Variants in RUBCNL observed in about 807,000 individuals in gnomAD.
RUBCNL encodes the protein protein associated with UVRAG as autophagy enhancer.
RUBCNL carries 62 observed loss-of-function variants against 69.5 expected under a neutral mutation model. The ratio of observed to expected loss-of-function variants is 0.89; its 90% CI spans 0.73 to 1.10. The LOEUF (loss-of-function observed/expected upper bound fraction) is 1.10. Ranked by LOEUF, RUBCNL falls within the 50% of genes least tolerant of loss-of-function variation. The probability of loss-of-function intolerance (pLI) is 0.00; values close to 1 mark genes in which losing one functional copy is unlikely to be tolerated. For synonymous variants in RUBCNL, 291 were observed against 303.6 expected, an observed-to-expected ratio of 0.96 and a Z score of 0.43; for missense variants, 768 against 798.1, an observed-to-expected ratio of 0.96 and a Z score of 0.45.
upstream of RUBCNL, among the ~76,000 whole-genome samples, chr13:46,389,198 G>A (rs548525845): frequency 8.5e-5 from 13 of 152,088 alleles, no homozygotes; most frequent in South Asian, 1.9e-3. This position sits in a 1 kb window ranked among gnomAD's most constrained non-coding sequence, Gnocchi z 4.2. Context: ...TTCCCATTTC[G>A]CAAGGGGGAA....
In RUBCNL at chr13:46,345,510, C is replaced by T. The variant is rs2048227246; in HGVS notation, c.1722G>A (p.Gly574=). ...SLEDLVRIKK[G]LLAPLLKDIL... is the part of the protein sequence containing the mutation. The stretch of plus-strand genomic sequence containing the variant: ...TGTCCTTGAGTAAGGGTGCCAGCAG[C>T]CCTTTCTTGATCCTGACCAGGTCCT... Residue 574 remains glycine, a synonymous_variant, in exon 13 of 15, where the codon GGG becomes GGA. Transcript: ENST00000429979. 1 of 1,608,614 alleles carries T rather than the reference C, an allele frequency of 6.2e-7. No individual in the cohort carries two copies. The highest frequency in any genetic ancestry group is 8.5e-7 in the Non-Finnish European group (1 of 1,177,516).
At chr13:46,345,730 T>A in intron 12 of RUBCNL, 130 bp from the exon 13 acceptor site, 1 of 902,278 alleles carries the variant, frequency 1.1e-6, no homozygotes, top group South Asian at 1.9e-5. Flanking sequence ...AATAAATAGC[T>A]CCAAGAACAA....
rs965224381 is a variant in RUBCNL at position 46,368,869 on chromosome 13, TAATAA to T, written c.536-59_536-55del. The T allele has an allele frequency of 1.4e-4, 176 of 1,282,700 alleles. 1 individual carries two copies. The highest frequency in any genetic ancestry group is 8.1e-5 in the Admixed American group (4 of 49,300). The allele number at this position is 1,282,700 out of a possible 1,614,324, so 79.5% of individuals were successfully genotyped here. On this transcript the variant is annotated intron_variant, in intron 3 of 14. Coordinates refer to ENST00000429979, the MANE Select transcript of RUBCNL (RefSeq NM_025113.5). ...GGGAAAAGGGAGTTTAAAGATTACC[TAATAA>T]AATAAAACAATTATAGGAAGTGGCT...
At chr13:46,376,279 A>G (rs981860060) in intron 2 of RUBCNL, among the ~76,000 whole-genome samples, 2 of 152,124 alleles carry the variant, frequency 1.3e-5, no homozygotes, top group Non-Finnish European at 2.9e-5. Context: ...GTGTATATAT[A>G]TATCTTTTGC....
chr13:46,362,392 T>C (rs571814845), intron 7 of RUBCNL, 146 bp downstream of exon 7: 2 of 480,334 alleles, frequency 4.2e-6, no homozygotes, highest in East Asian at 6.5e-5. Context: ...GATTGTTTCA[T>C]TTCTAGGTGA....
chr13:46,345,787 G>C (rs1204631451), intron 12 of RUBCNL, among the ~76,000 whole-genome samples, 187 bp from the exon 13 acceptor site: 1 of 152,130 alleles, frequency 6.6e-6, no homozygotes, highest in Admixed American at 6.5e-5. Flanking sequence ...AGTTTGCTTG[G>C]AAGCCAGGAA....
chr13:46,352,153 A>T (rs1419985226), intron 10 of RUBCNL, among the ~76,000 whole-genome samples: 1 of 152,172 alleles, frequency 6.6e-6, no homozygotes, highest in East Asian at 1.9e-4. Flanking sequence ...TAAAATAAAC[A>T]CTCATTGACC....
intron 7 of RUBCNL, among the ~76,000 whole-genome samples, chr13:46,362,159 C>G (rs11617556): frequency 6.6e-6 from 1 of 151,950 alleles, no homozygotes; most frequent in Non-Finnish European, 1.5e-5. Context: ...ATTGCTTGAA[C>G]CCAGGAGGCG....
At position 46,378,080 on chromosome 13, in the gene RUBCNL, T is replaced by C. The variant is rs548287998; in HGVS notation, c.-238-75A>G. 65 of 728,516 alleles carry C rather than the reference T, an allele frequency of 8.9e-5. No individual in the cohort carries two copies. In the South Asian group the frequency reaches 1.1e-3, roughly 13 times the overall value. 45.1% of individuals were successfully genotyped at this position (728,516 alleles called of 1,614,324 possible). ...ATGTTACTTGTTGCCATATTGTTTG[T>C]AGTGTGTTAGTTATTCAGTTAAGAA... is the stretch of plus-strand genomic sequence containing the variant. On this transcript the variant is annotated intron_variant, in intron 1 of 14. Transcript: ENST00000429979.
chr13:46,345,542 A>AGCTCATCAGGTCCT lies in RUBCNL; in HGVS notation c.1689_1690insAGGACCTGATGAGC (p.Ser564ArgfsTer3), dbSNP rs749196089. 8.1e-6 allele frequency: 13 copies of AGCTCATCAGGTCCT among 1,613,220 alleles called. No homozygotes were observed. The highest frequency in any genetic ancestry group is 1.1e-5 in the Non-Finnish European group (13 of 1,179,670). Reference sequence around the variant, plus strand: ...TTGATCCTGACCAGGTCCTCAAGGGAGAACAGGTGGAGCTCATCAGTCAAG... The same window carrying AGCTCATCAGGTCCT: ...TTGATCCTGACCAGGTCCTCAAGGGAGCTCATCAGGTCCTGAACAGGTGGAGCTCATCAGTCAAG... On this transcript the variant is annotated stop_gained and frameshift_variant, in exon 13 of 15. Coordinates refer to ENST00000429979, the MANE Select transcript of RUBCNL (RefSeq NM_025113.5). LOFTEE classifies it high-confidence loss of function.
intron 5 of RUBCNL, among the ~76,000 whole-genome samples, chr13:46,364,629 T>TAAAA (rs34783424): frequency 7.2e-6 from 1 of 139,592 alleles, no homozygotes. Flanking sequence ...GTTTAACTGA[T>TAAAA]AAAAAAAAAA....
chr13:46,359,670 A>G (rs755805285), intron 8 of RUBCNL, 39 bp from the exon 9 acceptor site: 6 of 1,479,432 alleles, frequency 4.1e-6, no homozygotes, highest in Non-Finnish European at 5.4e-6. Context: ...CAACTTAAGC[A>G]TATTTCAAAG....
chr13:46,354,444 A>T (rs1159202794), intron 10 of RUBCNL, among the ~76,000 whole-genome samples: 2 of 151,602 alleles, frequency 1.3e-5, no homozygotes, highest in Non-Finnish European at 2.9e-5. Flanking sequence ...GACAAAAGTT[A>T]AAAAAAATGT....
chr13:46,343,225 A>C lies in RUBCNL; in HGVS notation c.*160T>G, dbSNP rs1566059493. 1 of 1,150,012 alleles carries C rather than the reference A, an allele frequency of 8.7e-7. No homozygotes were observed. Among genetic ancestry groups the C allele is most frequent in the Non-Finnish European group, 1.2e-6 (1 of 826,604 alleles). 71.2% of individuals were successfully genotyped at this position (1,150,012 alleles called of 1,614,324 possible). A position where few individuals can be genotyped will look rare whatever the true frequency, so the allele number is the denominator to read the frequency against. On this transcript the variant is annotated 3_prime_UTR_variant, in exon 15 of 15. Coordinates refer to ENST00000429979, the MANE Select transcript of RUBCNL (RefSeq NM_025113.5). ...CCCTGTGCTTAAACACAGAATCTGC[A>C]TTCTTTTGAAACATTAAGTATATGC...
chr13:46,361,947 C>T (rs555358064), intron 7 of RUBCNL, among the ~76,000 whole-genome samples: 5 of 151,714 alleles, frequency 3.3e-5, no homozygotes, highest in South Asian at 2.1e-4. Flanking sequence ...AATATATGGT[C>T]GGGCATGGTG....
In RUBCNL at chr13:46,362,598, T is replaced by C; in HGVS notation, c.926A>G (p.Glu309Gly). ...KCDVDEFVIL[E>G]LGDFNDITET... ...TGTGATATCATTAAAATCTCCAAGC[T>C]CTGTGGGAAAATAAAAGAAAGAGTG... Residue 309 changes from glutamate (E) to glycine (G), a missense_variant and splice_region_variant, in exon 7 of 15, where the codon GAG (glutamate) becomes GGG (glycine). Coordinates refer to ENST00000429979, the MANE Select transcript of RUBCNL (RefSeq NM_025113.5). The C allele has an allele frequency of 6.2e-7, 1 of 1,604,858 alleles. No homozygotes were observed. The highest frequency in any genetic ancestry group is 8.5e-7 in the Non-Finnish European group (1 of 1,175,082).
At chr13:46,358,128 A>T (rs2048531051) in intron 9 of RUBCNL, among the ~76,000 whole-genome samples, 1 of 152,150 alleles carries the variant, frequency 6.6e-6, no homozygotes, top group Non-Finnish European at 1.5e-5. Context: ...AAGGAAAGCA[A>T]CCTCTCACGA....
At chr13:46,367,600 T>A (rs896316640) in intron 5 of RUBCNL, among the ~76,000 whole-genome samples, 1 of 152,118 alleles carries the variant, frequency 6.6e-6, no homozygotes, top group Non-Finnish European at 1.5e-5. Context: ...ACTCAAGAAG[T>A]TTTTAGACAA....
At chr13:46,387,880 C>G (rs1566097625), upstream of RUBCNL, 12 of 982,962 alleles carry the variant, frequency 1.2e-5, no homozygotes, top group Non-Finnish European at 1.4e-5. Context: ...CTAGGAGAAC[C>G]TGCCAACCAA....
Sources: allele counts gnomAD v4.1 joint callset (sites outside exome capture counted in the v4.1 genomes callset), GRCh38; gene constraint gnomAD v4.1.1; non-coding constraint Gnocchi (gnomAD v3.1); transcripts MANE v1.5; gene names NCBI Gene and HGNC (gene_info 2026-07-23, HGNC 2026-07-21).